The following PKNOX2 variants were observed in gnomAD, a reference collection of about 807,000 sequenced individuals.
The protein encoded by PKNOX2 is PBX/knotted 1 homeobox 2.
Under a neutral mutation model 53.1 loss-of-function variants are expected in PKNOX2, and 14 were observed. The observed-to-expected ratio is 0.26, with a 90% CI of 0.17 to 0.41. The LOEUF is 0.41. PKNOX2 is among the 10% of genes least tolerant of loss of function. PKNOX2 has a pLI of 1.00. For synonymous variants in PKNOX2, 257 were observed against 242.8 expected, an observed-to-expected ratio of 1.06 and a Z score of -0.54; for missense variants, 496 against 602.8, an observed-to-expected ratio of 0.82 and a Z score of 1.85.
At chr11:125,411,197 T>C in intron 9 of PKNOX2, 1 of 316,030 alleles carries the variant, frequency 3.2e-6, no homozygotes, top group East Asian at 7.3e-5. Context: ...AGTCAGAGTC[T>C]GGGATCTGAC....
intron 4 of PKNOX2, among the ~76,000 whole-genome samples, chr11:125,351,611 G>C (rs75557830): frequency 0.022 from 3,291 of 152,268 alleles, 107 homozygotes; most frequent in African/African-American, 0.07. Flanking sequence ...GACCCCAGGA[G>C]CTAGGACTGG....
intron 1 of PKNOX2, among the ~76,000 whole-genome samples, chr11:125,178,683 A>G (rs952629049): frequency 2.2e-5 from 3 of 135,240 alleles, no homozygotes; most frequent in African/African-American, 3.5e-5. Context: ...AGAAAGAGAG[A>G]GAGAGAGAGA....
intron 7 of PKNOX2, 131 bp downstream of exon 7, chr11:125,398,193 C>G (rs763277793): frequency 7.0e-6 from 6 of 853,790 alleles, no homozygotes; most frequent in Non-Finnish European, 1.1e-5. Context: ...CATGAGGGCC[C>G]TCCTCTGATG....
At chr11:125,350,601 A>G (rs2136198678) in intron 3 of PKNOX2, among the ~76,000 whole-genome samples, 1 of 152,316 alleles carries the variant, frequency 6.6e-6, no homozygotes, top group Non-Finnish European at 1.5e-5. Flanking sequence ...ATCTGTGGAC[A>G]CGCCCATAGT....
chr11:125,272,517 T>A (rs1428033180), intron 2 of PKNOX2, among the ~76,000 whole-genome samples: 1 of 152,230 alleles, frequency 6.6e-6, no homozygotes, highest in Non-Finnish European at 1.5e-5. Context: ...ATCTTGATTT[T>A]GTATCCCGTG....
intron 2 of PKNOX2, among the ~76,000 whole-genome samples, chr11:125,312,210 G>A (rs1376294592): frequency 6.6e-6 from 1 of 152,160 alleles, no homozygotes; most frequent in Non-Finnish European, 1.5e-5. Flanking sequence ...CTGTGTGCGG[G>A]TAAGAAGGAT....
chr11:125,380,787 C>T (rs1191875573), intron 5 of PKNOX2, among the ~76,000 whole-genome samples: 1 of 152,246 alleles, frequency 6.6e-6, no homozygotes, highest in Non-Finnish European at 1.5e-5. Flanking sequence ...TTGATGGCAG[C>T]TCTCATGGGC....
chr11:125,264,830 G>C (rs1019043371), intron 2 of PKNOX2, among the ~76,000 whole-genome samples: 1 of 152,136 alleles, frequency 6.6e-6, no homozygotes, highest in Non-Finnish European at 1.5e-5. Context: ...GAAGGCGGCC[G>C]ATTTTAGAAG....
intron 10 of PKNOX2, 66 bp downstream of exon 10, chr11:125,411,931 A>C: frequency 1.2e-6 from 2 of 1,601,550 alleles, no homozygotes; most frequent in Non-Finnish European, 1.7e-6. Context: ...CCGTGTGGGT[A>C]CCAGACTCTG....
chr11:125,353,230 C>A (rs1391319325), intron 4 of PKNOX2, among the ~76,000 whole-genome samples: 1 of 152,174 alleles, frequency 6.6e-6, no homozygotes, highest in Non-Finnish European at 1.5e-5. Flanking sequence ...ACCTCCATAC[C>A]CAAGACTCAA....
intron 2 of PKNOX2, among the ~76,000 whole-genome samples, chr11:125,255,088 A>G (rs1944314653): frequency 6.6e-6 from 1 of 152,242 alleles, no homozygotes; most frequent in Admixed American, 6.5e-5. Flanking sequence ...ATGCCCATTT[A>G]CCACCATTTT....
intron 7 of PKNOX2, among the ~76,000 whole-genome samples, chr11:125,404,889 C>T (rs750758196): frequency 2.0e-5 from 3 of 152,158 alleles, no homozygotes; most frequent in Non-Finnish European, 2.9e-5. Flanking sequence ...GAGGACGGGC[C>T]GCGGCTGTGC....
chr11:125,405,298 A>G (rs140950484), intron 7 of PKNOX2, among the ~76,000 whole-genome samples: 9 of 152,328 alleles, frequency 5.9e-5, no homozygotes, highest in African/African-American at 1.9e-4. Flanking sequence ...TCTGTCATTT[A>G]TCTCCTTCAC....
chr11:125,408,511 G>T (rs1397893966), intron 7 of PKNOX2, among the ~76,000 whole-genome samples: 1 of 152,210 alleles, frequency 6.6e-6, no homozygotes, highest in Non-Finnish European at 1.5e-5. Context: ...AGGTGGGTGG[G>T]AGGAGGGCGT....
rs1943052560 is a variant in PKNOX2, at chr11:125,240,333, G to C, written c.-130+5218G>C. 6.6e-6 allele frequency: 1 copy of C among 152,256 alleles called. No homozygotes were observed. Among genetic ancestry groups the C allele is most frequent in the South Asian group, 2.1e-4 (1 of 4,828 alleles). 9.4% of individuals were successfully genotyped at this position (152,256 alleles called of 1,614,324 possible). ...CTGTCCAGAAGAGTATTGTCTTACGGATAATTTCGTTTGCCTAACGAGATT... is the reference window on the plus strand; with the variant it reads ...CTGTCCAGAAGAGTATTGTCTTACGCATAATTTCGTTTGCCTAACGAGATT... On this transcript the variant is annotated intron_variant, in intron 2 of 12. Coordinates refer to ENST00000298282, the MANE Select transcript of PKNOX2 (RefSeq NM_001382323.2). This position sits in a 1 kb window ranked among gnomAD's most constrained non-coding sequence, Gnocchi z 4.3.
intron 3 of PKNOX2, among the ~76,000 whole-genome samples, chr11:125,350,620 C>T (rs576421070): frequency 3.9e-5 from 6 of 152,288 alleles, no homozygotes; most frequent in African/African-American, 1.2e-4. Context: ...GTCACAAGCC[C>T]GAGTCTGGGA....
chr11:125,171,565 T>C lies in PKNOX2; in HGVS notation c.-201+6789T>C, dbSNP rs145459117. ...TCACAGGACTGTTGAGGGGCATCTG[T>C]TAAGTCCCTAGCACGGTGTCTGGCA... is the stretch of plus-strand genomic sequence containing the variant. On this transcript the variant is annotated intron_variant, in intron 1 of 12. Coordinates refer to ENST00000298282, the MANE Select transcript of PKNOX2 (RefSeq NM_001382323.2). Among the ~76,000 whole-genome samples, 355 of 152,334 alleles carry C rather than the reference T, an allele frequency of 2.3e-3. 2 individuals are homozygous for C. Among genetic ancestry groups the C allele is most frequent in the African/African-American group, 8.2e-3 (341 of 41,566 alleles).
intron 3 of PKNOX2, among the ~76,000 whole-genome samples, chr11:125,348,622 A>C (rs1264442765): frequency 6.6e-6 from 1 of 151,962 alleles, no homozygotes; most frequent in East Asian, 1.9e-4. Flanking sequence ...GCTACTCTTA[A>C]CCTCCCCTCC....
chr11:125,252,429 C>A (rs1944073506), intron 2 of PKNOX2, among the ~76,000 whole-genome samples: 1 of 151,716 alleles, frequency 6.6e-6, no homozygotes, highest in South Asian at 2.1e-4. Flanking sequence ...TGGAGGAAGG[C>A]AAAAAAAGAA....
Sources: gnomAD v4.1 joint callset for allele counts (sites outside exome capture counted in the v4.1 genomes callset) on GRCh38, gnomAD v4.1.1 for gene constraint, Gnocchi (gnomAD v3.1) non-coding constraint, MANE v1.5 for transcripts, NCBI Gene and HGNC (gene_info 2026-07-23, HGNC 2026-07-21) for gene names.